The following SLC39A8 variants were observed in gnomAD, a reference collection of about 807,000 sequenced individuals.
SLC39A8 encodes metal cation symporter ZIP8.
In SLC39A8, 15 loss-of-function variants were observed where a neutral mutation model predicts 40.4. The ratio of observed to expected loss-of-function variants is 0.37; its 90% confidence interval spans 0.25 to 0.57. The LOEUF (loss-of-function observed/expected upper bound fraction) is 0.57. Among genes scored for constraint, SLC39A8 ranks in the 20% least tolerant of loss-of-function variants. The pLI is 0.75. For synonymous variants in SLC39A8, 223 were observed against 221.6 expected, an observed-to-expected ratio of 1.01 and a Z score of -0.06; for missense variants, 472 against 558.8, an observed-to-expected ratio of 0.84 and a Z score of 1.57.
At chr4:102,304,184 C>A in intron 6 of SLC39A8, 133 bp downstream of exon 6, 1 of 580,852 alleles carries the variant, frequency 1.7e-6, no homozygotes, top group Non-Finnish European at 2.9e-6. Flanking sequence ...ACTTACATTC[C>A]AGTTACCCCA....
rs1032626849 is a variant in SLC39A8, at chr4:102,262,633, T to C, written c.*411A>G. 7.1e-6 allele frequency: 7 copies of C among 987,162 alleles called. No individual in the cohort carries two copies. The highest frequency in any genetic ancestry group is 8.4e-6 in the Non-Finnish European group (7 of 831,138). The allele number at this position is 987,162 out of a possible 1,614,324, so 61.2% of individuals were successfully genotyped here. A position where few individuals can be genotyped will look rare whatever the true frequency, so the allele number is the denominator to read the frequency against. ...TCTTGAAAGCACTAGAACAAATTAA[T>C]TGAAATAAAACCTCTCTGAAACCAT... On this transcript the variant is annotated 3_prime_UTR_variant, in exon 9 of 9. Coordinates refer to ENST00000356736, the MANE Select transcript of SLC39A8 (RefSeq NM_001135146.2).
At chr4:102,267,439 C>T (rs1486957815) in intron 8 of SLC39A8, 51 bp downstream of exon 8, 5 of 1,501,464 alleles carry the variant, frequency 3.3e-6, no homozygotes, top group Non-Finnish European at 3.6e-6. Context: ...AATCCAGATA[C>T]TCATTTCCAA....
intron 11 of SLC39A8, among the ~76,000 whole-genome samples, chr4:102,254,812 T>C (rs1454232445): frequency 6.6e-6 from 1 of 152,196 alleles, no homozygotes; most frequent in Non-Finnish European, 1.5e-5. Flanking sequence ...GTTCTATACA[T>C]AGAATATTAT....
intron 5 of SLC39A8, 41 bp downstream of exon 5, chr4:102,304,948 A>G: frequency 6.5e-7 from 1 of 1,545,328 alleles, no homozygotes; most frequent in Non-Finnish European, 8.8e-7. Flanking sequence ...AAGTAGCTTT[A>G]GGGGGTAAAA....
At chr4:102,316,330 A>G (rs1024575049) in intron 2 of SLC39A8, among the ~76,000 whole-genome samples, 1 of 152,196 alleles carries the variant, frequency 6.6e-6, no homozygotes, top group African/African-American at 2.4e-5. Context: ...AAATATAAAT[A>G]TAAAAAGTTG....
chr4:102,285,969 C>T (rs1243927802), intron 6 of SLC39A8, among the ~76,000 whole-genome samples: 1 of 152,056 alleles, frequency 6.6e-6, no homozygotes, highest in Non-Finnish European at 1.5e-5. Flanking sequence ...TTCAGTATTC[C>T]CAAACTGCAG....
At chr4:102,324,773 G>A (rs1735123308) in intron 2 of SLC39A8, among the ~76,000 whole-genome samples, 1 of 152,138 alleles carries the variant, frequency 6.6e-6, no homozygotes, top group Non-Finnish European at 1.5e-5. Flanking sequence ...TATGGCAACT[G>A]GCCAAAGATC....
chr4:102,299,832 C>T (rs1733840237), intron 6 of SLC39A8, among the ~76,000 whole-genome samples: 1 of 151,968 alleles, frequency 6.6e-6, no homozygotes, highest in South Asian at 2.1e-4. Flanking sequence ...CCTCTAGTGG[C>T]CTTGAAGAGC....
chr4:102,344,965 C>T, intron 1 of SLC39A8, 50 bp from the exon 2 acceptor site: 1 of 1,124,864 alleles, frequency 8.9e-7, no homozygotes, highest in Non-Finnish European at 1.1e-6. Context: ...ACCAGGGCAC[C>T]AGCCGGCAGG....
chr4:102,313,854 C>T (rs1269200530), intron 3 of SLC39A8, among the ~76,000 whole-genome samples: 2 of 152,028 alleles, frequency 1.3e-5, no homozygotes, highest in African/African-American at 4.8e-5. Flanking sequence ...TCCCAAAGTG[C>T]TGGGATTACA....
chr4:102,265,588 C>CA (rs1732064245), intron 8 of SLC39A8, among the ~76,000 whole-genome samples: 1 of 152,042 alleles, frequency 6.6e-6, no homozygotes, highest in African/African-American at 2.4e-5. Context: ...TTTCAATGTG[C>CA]AAAAAACCTA....
chr4:102,290,529 C>T (rs1213429337), intron 6 of SLC39A8, among the ~76,000 whole-genome samples: 2 of 152,034 alleles, frequency 1.3e-5, no homozygotes, highest in Non-Finnish European at 2.9e-5. Context: ...CAGTGCACTC[C>T]AGAGTTTCAA....
chr4:102,303,596 C>T (rs1450065725), intron 6 of SLC39A8, among the ~76,000 whole-genome samples: 2 of 151,474 alleles, frequency 1.3e-5, no homozygotes, highest in South Asian at 2.1e-4. Context: ...GAGGGAGAGT[C>T]CTAGGGGTTC....
At chr4:102,336,004 T>C (rs1465920653) in intron 2 of SLC39A8, among the ~76,000 whole-genome samples, 1 of 152,214 alleles carries the variant, frequency 6.6e-6, no homozygotes, top group African/African-American at 2.4e-5. Flanking sequence ...CATACTATTA[T>C]GATGATAATA....
chr4:102,343,893 T>C (rs577216934), intron 2 of SLC39A8, among the ~76,000 whole-genome samples: 1 of 152,314 alleles, frequency 6.6e-6, no homozygotes, highest in African/African-American at 2.4e-5. Flanking sequence ...ACCATCTGGA[T>C]GACCAAATTA....
chr4:102,255,188 G>T (rs991113052), intron 11 of SLC39A8, among the ~76,000 whole-genome samples: 2 of 152,092 alleles, frequency 1.3e-5, no homozygotes, highest in African/African-American at 2.4e-5. Flanking sequence ...TTCAAGAGCT[G>T]GGAATTTTGT....
chr4:102,343,649 G>T (rs1376332849), intron 2 of SLC39A8, among the ~76,000 whole-genome samples: 1 of 152,074 alleles, frequency 6.6e-6, no homozygotes, highest in Non-Finnish European at 1.5e-5. Context: ...CAATCACAGA[G>T]TATTTATTAT....
intron 4 of SLC39A8, among the ~76,000 whole-genome samples, chr4:102,306,333 A>C (rs1398044822): frequency 6.6e-6 from 1 of 151,814 alleles, no homozygotes; most frequent in Non-Finnish European, 1.5e-5. Flanking sequence ...AAATCAGAAA[A>C]TCTGTATTGT....
intron 6 of SLC39A8, among the ~76,000 whole-genome samples, chr4:102,285,650 T>C (rs933299439): frequency 1.4e-5 from 2 of 141,146 alleles, no homozygotes; most frequent in African/African-American, 5.2e-5. Context: ...TGTGTGTGCA[T>C]GTGTGTATGT....
Sources: allele counts gnomAD v4.1 joint callset (sites outside exome capture counted in the v4.1 genomes callset), GRCh38; gene constraint gnomAD v4.1.1; transcripts MANE v1.5; gene names NCBI Gene and HGNC (gene_info 2026-07-23, HGNC 2026-07-21).